The following GNAQ variants were observed in gnomAD, a reference collection of about 807,000 sequenced individuals.
The protein encoded by GNAQ is G protein subunit alpha q, also known as guanine nucleotide-binding protein G(q) subunit alpha.
In GNAQ, 8 loss-of-function variants were observed where a neutral mutation model predicts 43.9. The observed-to-expected ratio is 0.18, with a 90% CI of 0.11 to 0.33. The LOEUF is 0.33. Ranked by LOEUF, GNAQ falls within the 10% of genes least tolerant of loss-of-function variation. The probability of loss-of-function intolerance (pLI) is 1.00; values close to 1 mark genes in which losing one functional copy is unlikely to be tolerated. For synonymous variants in GNAQ, 155 were observed against 170.7 expected, an observed-to-expected ratio of 0.91 and a Z score of 0.71; for missense variants, 158 against 450.8, an observed-to-expected ratio of 0.35 and a Z score of 5.88.
chr9:77,893,457 C>T (rs534760238), intron 2 of GNAQ, among the ~76,000 whole-genome samples: 30 of 152,256 alleles, frequency 2.0e-4, no homozygotes, highest in African/African-American at 4.3e-4. Context: ...ACCCTTTTCC[C>T]GGAAAACTCA....
Position 77,922,329 on chromosome 9 carries a change from G to C in GNAQ, c.153C>G (p.Gly51=). The part of the protein sequence containing the change: ...KLLLLGTGES[G]KSTFIKQMRI... ...TCATCTGCTTGATAAACGTACTCTT[G>C]CCACTCTCTCCTGTCCCTGAAAGAT... Residue 51 remains glycine, a synonymous_variant, in exon 2 of 7, where the codon GGC becomes GGG. Coordinates refer to ENST00000286548, the MANE Select transcript of GNAQ (RefSeq NM_002072.5). 1 of 1,612,102 alleles carries C rather than the reference G, an allele frequency of 6.2e-7. No homozygotes were observed. Among genetic ancestry groups the C allele is most frequent in the Non-Finnish European group, 8.5e-7 (1 of 1,178,472 alleles).
intron 1 of GNAQ, among the ~76,000 whole-genome samples, chr9:77,985,636 G>A (rs1269108366): frequency 6.6e-6 from 1 of 152,084 alleles, no homozygotes; most frequent in Non-Finnish European, 1.5e-5. Flanking sequence ...TCAGGCTGGA[G>A]TGCAGTGGCA....
At chr9:77,994,719 G>A (rs1367156874) in intron 1 of GNAQ, among the ~76,000 whole-genome samples, 2 of 152,132 alleles carry the variant, frequency 1.3e-5, no homozygotes, top group East Asian at 3.8e-4. Flanking sequence ...CTGCCTCTGA[G>A]CTTACTTTTA....
chr9:77,978,776 T>A (rs1282348144), intron 1 of GNAQ, among the ~76,000 whole-genome samples: 1 of 152,176 alleles, frequency 6.6e-6, no homozygotes, highest in Non-Finnish European at 1.5e-5. Flanking sequence ...TTAAAAAAAA[T>A]GGGCCAGGTA....
chr9:78,028,167 A>G (rs1824005572), intron 1 of GNAQ, among the ~76,000 whole-genome samples: 1 of 152,238 alleles, frequency 6.6e-6, no homozygotes, highest in Non-Finnish European at 1.5e-5. Flanking sequence ...CATAGAATAC[A>G]AAGAGTAAGT....
intron 5 of GNAQ, among the ~76,000 whole-genome samples, chr9:77,729,334 T>C (rs2118221679): frequency 6.6e-6 from 1 of 152,324 alleles, no homozygotes; most frequent in African/African-American, 2.4e-5. Flanking sequence ...GATAAAAATG[T>C]AATATTTCTC....
At chr9:77,769,401 T>TAA (rs1272398551) in intron 5 of GNAQ, among the ~76,000 whole-genome samples, 2 of 136,280 alleles carry the variant, frequency 1.5e-5, no homozygotes, top group Admixed American at 7.3e-5. Context: ...AAGACTACCT[T>TAA]AAAAAAAAAA....
chr9:77,739,904 C>T (rs116311403), intron 5 of GNAQ, among the ~76,000 whole-genome samples: 35 of 152,252 alleles, frequency 2.3e-4, no homozygotes, highest in Admixed American at 1.4e-3. Flanking sequence ...TTAGATGACA[C>T]AACTGAGCTA....
chr9:78,030,001 T>C (rs1040592023), intron 1 of GNAQ, among the ~76,000 whole-genome samples: 1 of 152,178 alleles, frequency 6.6e-6, no homozygotes, highest in Non-Finnish European at 1.5e-5. Flanking sequence ...CTCCCAGAGA[T>C]AATCATCAAT....
At chr9:77,836,005 A>G (rs7856936) in intron 2 of GNAQ, among the ~76,000 whole-genome samples, 91,276 of 152,016 alleles carry the variant, frequency 0.6, 28,349 homozygotes, top group Middle Eastern at 0.71. Flanking sequence ...ATTGAGAAAA[A>G]CGAAGAAGAA....
chr9:77,749,210 CT>C, intron 5 of GNAQ, among the ~76,000 whole-genome samples: 1 of 152,290 alleles, frequency 6.6e-6, no homozygotes, highest in Non-Finnish European at 1.5e-5. Flanking sequence ...CCCATTCTTG[CT>C]TTGGGTCTAA....
At chr9:77,858,135 G>A (rs1268322235) in intron 2 of GNAQ, among the ~76,000 whole-genome samples, 2 of 152,008 alleles carry the variant, frequency 1.3e-5, no homozygotes, top group Non-Finnish European at 2.9e-5. Context: ...CCCAACCCTG[G>A]CATGAGGAGT....
chr9:77,853,573 A>G (rs182985933), intron 2 of GNAQ, among the ~76,000 whole-genome samples: 73 of 152,280 alleles, frequency 4.8e-4, no homozygotes, highest in Admixed American at 1.4e-3. Flanking sequence ...CAATACAAAT[A>G]TATCAGTAGA....
At chr9:77,744,798 C>A (rs937519520) in intron 5 of GNAQ, among the ~76,000 whole-genome samples, 8 of 151,748 alleles carry the variant, frequency 5.3e-5, no homozygotes, top group Non-Finnish European at 1.0e-4. Flanking sequence ...CTGAAAAATG[C>A]CCAGGGCAAC....
At chr9:77,895,603 T>C (rs1283349469) in intron 2 of GNAQ, among the ~76,000 whole-genome samples, 1 of 152,188 alleles carries the variant, frequency 6.6e-6, no homozygotes, top group Non-Finnish European at 1.5e-5. Flanking sequence ...CAGCTCTTGA[T>C]ACCCTCTGTT....
intron 5 of GNAQ, among the ~76,000 whole-genome samples, chr9:77,770,280 T>C (rs1826203001): frequency 1.3e-5 from 2 of 152,158 alleles, no homozygotes; most frequent in African/African-American, 4.8e-5. Context: ...ATTTATTCAG[T>C]CTGATAATCA....
At chr9:77,895,109 A>G (rs1403352024) in intron 2 of GNAQ, among the ~76,000 whole-genome samples, 1 of 151,272 alleles carries the variant, frequency 6.6e-6, no homozygotes, top group East Asian at 2.0e-4. Flanking sequence ...GAGGCAGGAG[A>G]ATGGCATGAA....
intron 1 of GNAQ, among the ~76,000 whole-genome samples, chr9:77,939,170 G>C (rs1291153822): frequency 2.6e-5 from 4 of 152,184 alleles, no homozygotes; most frequent in Non-Finnish European, 4.4e-5. Flanking sequence ...TAAGGATATG[G>C]AATGAGGGGC....
chr9:77,847,156 A>C (rs1426640073), intron 2 of GNAQ, among the ~76,000 whole-genome samples: 1 of 152,218 alleles, frequency 6.6e-6, no homozygotes, highest in African/African-American at 2.4e-5. Context: ...TCAGCCTTGC[A>C]AGGCAGTGGT....
Sources: allele counts gnomAD v4.1 joint callset (sites outside exome capture counted in the v4.1 genomes callset), GRCh38; gene constraint gnomAD v4.1.1; transcripts MANE v1.5; gene names NCBI Gene and HGNC (gene_info 2026-07-23, HGNC 2026-07-21).